Variants in NF1 observed in about 807,000 individuals in gnomAD.
The protein encoded by NF1 is neurofibromin.
NF1 carries 122 observed loss-of-function variants against 325.7 expected under a neutral mutation model. That is an observed-to-expected ratio of 0.37 (90% CI 0.32 to 0.44). The LOEUF (loss-of-function observed/expected upper bound fraction) is 0.44, where lower values mean the gene tolerates loss of function less well. Among genes scored for constraint, NF1 ranks in the 20% least tolerant of loss-of-function variants. The pLI is 1.00. For missense variants in NF1, 2,140 were observed against 3,415.4 expected (o/e 0.63, Z 9.31); for synonymous variants, 1,091 against 1,186.0 (o/e 0.92, Z 1.65).
At chr17:31,136,152 A>T (rs1915755394) in intron 1 of NF1, 1 of 151,836 alleles carries the variant, frequency 6.6e-6, no homozygotes, top group African/African-American at 2.4e-5. Flanking sequence ...ACGCGGTGAA[A>T]CCCCCATCTC....
At chr17:31,232,401 C>G (rs1365714638) in intron 25 of NF1, among the ~76,000 whole-genome samples, 1 of 151,974 alleles carries the variant, frequency 6.6e-6, no homozygotes, top group African/African-American at 2.4e-5. Context: ...GTGACATTGT[C>G]TAAGCTGTTT....
chr17:31,265,714 G>T (rs1013768100), intron 36 of NF1, among the ~76,000 whole-genome samples: 1 of 152,056 alleles, frequency 6.6e-6, no homozygotes, highest in Non-Finnish European at 1.5e-5. Context: ...AACTATAAGA[G>T]CCTATTTCTG....
chr17:31,222,102 GA>G (rs1763913916), intron 15 of NF1, 173 bp downstream of exon 15: 1 of 1,296,302 alleles, frequency 7.7e-7, no homozygotes, highest in African/African-American at 1.5e-5. Context: ...TTAACTGTAA[GA>G]AAAGTATCAC....
chr17:31,356,707 C>T, intron 52 of NF1, 125 bp downstream of exon 52: 1 of 1,381,126 alleles, frequency 7.2e-7, no homozygotes, highest in Non-Finnish European at 1.0e-6. Context: ...TGCCATTTCT[C>T]AAAAGATAAA....
intron 1 of NF1, among the ~76,000 whole-genome samples, chr17:31,129,442 T>C (rs1915163004): frequency 6.7e-6 from 1 of 149,026 alleles, no homozygotes; most frequent in African/African-American, 2.4e-5. Context: ...ATACTTGCGA[T>C]TGCATTATGA....
At position 31,350,140 on chromosome 17, in the gene NF1, G is replaced by A. The variant is rs749077270; in HGVS notation, c.7322-43G>A. The stretch of plus-strand genomic sequence containing the variant: ...GTTCATCCTGTTTTAAGTCACACTT[G>A]TGATTTGTTAAATTTTTTAACCTGC... On this transcript the variant is annotated intron_variant, in intron 49 of 57. Coordinates refer to ENST00000358273, the MANE Select transcript of NF1 (RefSeq NM_001042492.3). 3.1e-6 allele frequency: 5 copies of A among 1,611,956 alleles called. No individual in the cohort carries two copies. The South Asian group carries it at 5.5e-5, about 18-fold the overall frequency.
chr17:31,327,257 C>G (rs1022443850), intron 37 of NF1, among the ~76,000 whole-genome samples: 2 of 152,020 alleles, frequency 1.3e-5, no homozygotes, highest in African/African-American at 4.8e-5. Context: ...CCACTGCACC[C>G]GGCCTTCTAT....
intron 29 of NF1, among the ~76,000 whole-genome samples, chr17:31,239,845 C>G (rs1173153441): frequency 6.6e-6 from 1 of 152,156 alleles, no homozygotes; most frequent in African/African-American, 2.4e-5. Flanking sequence ...TCACTGCAAC[C>G]TCCGCCTCCC....
chr17:31,213,046 C>T (rs2066756947), intron 12 of NF1, among the ~76,000 whole-genome samples: 1 of 152,116 alleles, frequency 6.6e-6, no homozygotes, highest in South Asian at 2.1e-4. Flanking sequence ...TCTTGTGTTC[C>T]TGTGCAATGG....
intron 31 of NF1, among the ~76,000 whole-genome samples, chr17:31,255,546 A>G (rs1358723892): frequency 6.6e-6 from 1 of 152,174 alleles, no homozygotes; most frequent in Non-Finnish European, 1.5e-5. Context: ...ATATATTTAT[A>G]TGATACATGA....
Position 31,337,554 on chromosome 17 carries a change from T to C in NF1, c.6614T>C (p.Val2205Ala), listed in dbSNP as rs1316036089. ...ETFALTSLET[V>A]TEALLEIMEA... The stretch of plus-strand genomic sequence containing the variant: ...TTTGCTTTGACATCCTTGGAAACAG[T>C]CACAGAAGCTTTGTTGGAGATCATG... Residue 2205 changes from valine to alanine, a missense_variant, in exon 43 of 58, where the codon GTC becomes GCC. This residue lies in a region of NF1 where 180 missense variants were observed against 435.1 expected (regional missense o/e 0.41). Transcript: ENST00000358273. The C allele has an allele frequency of 6.2e-7, 1 of 1,613,948 alleles. No individual in the cohort carries two copies. Among genetic ancestry groups the C allele is most frequent in the Non-Finnish European group, 8.5e-7 (1 of 1,179,958 alleles).
intron 11 of NF1, 61 bp from the exon 12 acceptor site, chr17:31,206,179 A>G: frequency 6.3e-7 from 1 of 1,585,858 alleles, no homozygotes; most frequent in East Asian, 2.2e-5. Context: ...AGTGATAAAC[A>G]GAGCATACAA....
chr17:31,224,942 T>A, intron 16 of NF1, 153 bp from the exon 17 acceptor site: 1 of 731,094 alleles, frequency 1.4e-6, no homozygotes. Flanking sequence ...TTTGTTCTAA[T>A]GGGTTTCTAG....
chr17:31,335,748 G>A (rs1463281435), intron 40 of NF1, among the ~76,000 whole-genome samples: 2 of 151,428 alleles, frequency 1.3e-5, no homozygotes, highest in African/African-American at 2.4e-5. Flanking sequence ...GTACAGTCTC[G>A]GCTCATTGCA....
At chr17:31,104,135 A>G (rs1283747514) in intron 1 of NF1, among the ~76,000 whole-genome samples, 4 of 152,132 alleles carry the variant, frequency 2.6e-5, no homozygotes, top group Non-Finnish European at 4.4e-5. Context: ...CATATAATAC[A>G]GTAGTAAGAA....
intron 1 of NF1, 37 bp from the exon 2 acceptor site, chr17:31,155,946 A>G: frequency 6.2e-7 from 1 of 1,600,838 alleles, no homozygotes; most frequent in Non-Finnish European, 8.5e-7. Flanking sequence ...TTTTAAGGAT[A>G]AGCTGTTAAC....
chr17:31,317,368 A>AACAC (rs3138611), intron 36 of NF1, among the ~76,000 whole-genome samples: 19,876 of 144,480 alleles, frequency 0.14, 1,440 homozygotes, highest in Non-Finnish European at 0.17. Flanking sequence ...TCCAGATTTG[A>AACAC]ACACACACAC....
In NF1 at chr17:31,163,166, T is replaced by C. The variant is rs763991276; in HGVS notation, c.289-20T>C. The C allele has an allele frequency of 4.3e-6, 7 of 1,611,770 alleles. No individual in the cohort carries two copies. The highest frequency in any genetic ancestry group is 5.1e-6 in the Non-Finnish European group (6 of 1,178,158). ...CAGGTAAAATTAAAGTTTAGAATAA[T>C]GTGATTATTTCTATTTTAGCAACCA... On this transcript the variant is annotated intron_variant, in intron 3 of 57. Coordinates refer to ENST00000358273, the MANE Select transcript of NF1 (RefSeq NM_001042492.3).
chr17:31,228,970 A>C lies in NF1; in HGVS notation c.2410-55A>C, dbSNP rs2067062806. ...AATGTTGGATAAAGCATAATTTGTC[A>C]AGTCTCAACTAATTAAGGTTTAATT... On this transcript the variant is annotated intron_variant, in intron 20 of 57. Transcript: ENST00000358273. 9 of 1,377,480 alleles carry C rather than the reference A, an allele frequency of 6.5e-6. No homozygotes were observed. In the East Asian group the frequency reaches 2.1e-4, roughly 32 times the overall value. The allele number at this position is 1,377,480 out of a possible 1,614,324, so 85.3% of individuals were successfully genotyped here. A position where few individuals can be genotyped will look rare whatever the true frequency, so the allele number is the denominator to read the frequency against.
Sources: gnomAD v4.1 joint callset for allele counts (sites outside exome capture counted in the v4.1 genomes callset) on GRCh38, gnomAD v4.1.1 for gene constraint, gnomAD v4.1.1 regional missense constraint, MANE v1.5 for transcripts, NCBI Gene and HGNC (gene_info 2026-07-23, HGNC 2026-07-21) for gene names.